COL22A1: variants seen among roughly 807,000 people sequenced by gnomAD.
COL22A1 encodes collagen alpha-1(XXII) chain.
A neutral mutation model predicts 248.9 loss-of-function variants in COL22A1; 221 were observed. The observed-to-expected ratio is 0.89, with a 90% confidence interval of 0.80 to 0.99. The LOEUF (loss-of-function observed/expected upper bound fraction) is 0.99. COL22A1 is among the 50% of genes least tolerant of loss of function. The probability of loss-of-function intolerance (pLI) is 0.00; values close to 1 mark genes in which losing one functional copy is unlikely to be tolerated. For synonymous variants in COL22A1, 891 were observed against 793.4 expected (o/e 1.12, Z -2.07); for missense variants, 2,240 against 2,179.0 (o/e 1.03, Z -0.56).
At chr8:138,651,400 C>T (rs1822725814) in intron 45 of COL22A1, among the ~76,000 whole-genome samples, 1 of 152,210 alleles carries the variant, frequency 6.6e-6, no homozygotes, top group South Asian at 2.1e-4. Flanking sequence ...ATGAATGAAT[C>T]AGGCATCCCA....
At chr8:138,631,927 T>C (rs920400766) in intron 49 of COL22A1, among the ~76,000 whole-genome samples, 1 of 152,160 alleles carries the variant, frequency 6.6e-6, no homozygotes, top group Non-Finnish European at 1.5e-5. Context: ...ATTTAGTTCC[T>C]CATTGGAACT....
chr8:138,646,748 T>C, intron 46 of COL22A1, 66 bp from the exon 47 acceptor site: 1 of 1,191,608 alleles, frequency 8.4e-7, no homozygotes, highest in Admixed American at 2.4e-5. Context: ...TCCAGGGTCA[T>C]CACCATGCCA....
At chr8:138,909,375 C>CTT (rs57916926) in intron 1 of COL22A1, among the ~76,000 whole-genome samples, 14,366 of 142,356 alleles carry the variant, frequency 0.1, 746 homozygotes, top group African/African-American at 0.15. Context: ...GCTGACTTGC[C>CTT]TTTTTTTTTT....
chr8:138,751,331 C>T (rs569797411), intron 22 of COL22A1, 127 bp downstream of exon 22: 6 of 652,680 alleles, frequency 9.2e-6, no homozygotes, highest in Admixed American at 6.3e-5. Flanking sequence ...TCCAACCCTT[C>T]ATTCTACTTC....
chr8:138,699,606 T>A (rs1017007918), intron 32 of COL22A1, among the ~76,000 whole-genome samples: 1 of 146,568 alleles, frequency 6.8e-6, no homozygotes, highest in African/African-American at 2.5e-5. Flanking sequence ...TTTTTGTGTG[T>A]GGAAGTAGCC....
At chr8:138,610,496 AG>A (rs1437569894) in intron 56 of COL22A1, among the ~76,000 whole-genome samples, 2 of 152,230 alleles carry the variant, frequency 1.3e-5, no homozygotes, top group African/African-American at 4.8e-5. Flanking sequence ...AGTAAAAATG[AG>A]GTTGTCAGAG....
intron 43 of COL22A1, among the ~76,000 whole-genome samples, chr8:138,661,109 G>C (rs62527897): frequency 0.14 from 3,547 of 24,856 alleles, 69 homozygotes; most frequent in Middle Eastern, 0.26. Context: ...CACACACACA[G>C]ACACACACAC....
intron 10 of COL22A1, among the ~76,000 whole-genome samples, chr8:138,806,121 TAGGTAATGGTGTGTGGTG>T (rs1817676338): frequency 8.4e-6 from 1 of 118,970 alleles, no homozygotes; most frequent in Non-Finnish European, 1.8e-5. Flanking sequence ...TGTGATGGTG[TAGGTAATGGTGTGTGGTG>T]GTGTGTGTGT....
intron 25 of COL22A1, 188 bp from the exon 26 acceptor site, chr8:138,722,277 T>C: frequency 1.7e-6 from 1 of 591,008 alleles, no homozygotes; most frequent in Non-Finnish European, 3.1e-6. Context: ...TTCCCTTTGT[T>C]ACTACTGAAG....
At chr8:138,607,228 C>T (rs1018353186) in intron 57 of COL22A1, among the ~76,000 whole-genome samples, 1 of 152,162 alleles carries the variant, frequency 6.6e-6, no homozygotes, top group Non-Finnish European at 1.5e-5. Flanking sequence ...GCCCATTGCC[C>T]GGTACAATTG....
intron 1 of COL22A1, among the ~76,000 whole-genome samples, chr8:138,887,070 A>C (rs1419739778): frequency 6.6e-6 from 1 of 151,194 alleles, no homozygotes; most frequent in Non-Finnish European, 1.5e-5. Context: ...ATCCAACTAC[A>C]CTCTTTATTT....
intron 32 of COL22A1, among the ~76,000 whole-genome samples, chr8:138,695,618 A>C (rs2130939954): frequency 6.6e-6 from 1 of 152,154 alleles, no homozygotes; most frequent in Non-Finnish European, 1.5e-5. Context: ...GGTGTGTCTA[A>C]CTTTTGCTGA....
chr8:138,752,919 G>T (rs1586653975), intron 21 of COL22A1, among the ~76,000 whole-genome samples: 1 of 152,340 alleles, frequency 6.6e-6, no homozygotes, highest in Non-Finnish European at 1.5e-5. Flanking sequence ...AGTGACAGTT[G>T]ATATCAGCAT....
intron 3 of COL22A1, among the ~76,000 whole-genome samples, chr8:138,859,246 G>A (rs1008987582): frequency 5.3e-5 from 8 of 152,188 alleles, no homozygotes; most frequent in East Asian, 1.9e-4. Flanking sequence ...AATCAGTGCC[G>A]GTGACAAAGG....
At chr8:138,673,694 T>C (rs1564176254) in intron 41 of COL22A1, among the ~76,000 whole-genome samples, 1 of 152,156 alleles carries the variant, frequency 6.6e-6, no homozygotes, top group Non-Finnish European at 1.5e-5. Context: ...CTGTGTAGCA[T>C]TGGCCACATC....
chr8:138,776,032 G>C, intron 15 of COL22A1, 22 bp from the exon 16 acceptor site: 5 of 1,613,568 alleles, frequency 3.1e-6, no homozygotes, highest in Non-Finnish European at 4.2e-6. Flanking sequence ...AGAAAGAGCA[G>C]TGACCCAACA....
intron 1 of COL22A1, among the ~76,000 whole-genome samples, chr8:138,912,274 C>T (rs1207838880): frequency 6.6e-6 from 1 of 152,168 alleles, no homozygotes; most frequent in Non-Finnish European, 1.5e-5. Context: ...GGCAGCGTAC[C>T]CCATGCAGCA....
chr8:138,634,923 G>T, intron 49 of COL22A1, 87 bp downstream of exon 49: 1 of 922,074 alleles, frequency 1.1e-6, no homozygotes. Context: ...TGAGAGATAT[G>T]CTCAGTGTCA....
intron 39 of COL22A1, among the ~76,000 whole-genome samples, chr8:138,680,977 T>C (rs1197919291): frequency 1.3e-5 from 2 of 152,166 alleles, no homozygotes; most frequent in Non-Finnish European, 1.5e-5. Context: ...CAGGGATGTC[T>C]GCACTCTTCC....
Sources: gnomAD v4.1 joint callset for allele counts (sites outside exome capture counted in the v4.1 genomes callset) on GRCh38, gnomAD v4.1.1 for gene constraint, MANE v1.5 for transcripts, NCBI Gene and HGNC (gene_info 2026-07-23, HGNC 2026-07-21) for gene names.